KLRG1: variants seen among roughly 807,000 people sequenced by gnomAD.
KLRG1 encodes the protein killer cell lectin like receptor G1, also known as killer cell lectin-like receptor subfamily G member 1.
KLRG1 carries 16 observed loss-of-function variants against 21.8 expected under a neutral mutation model. The observed-to-expected ratio is 0.73, with a 90% confidence interval of 0.50 to 1.11. The LOEUF (loss-of-function observed/expected upper bound fraction) is 1.11, where lower values mean the gene tolerates loss of function less well. Ranked by LOEUF, KLRG1 falls within the 50% of genes most tolerant of loss-of-function variation. The pLI is 0.00. For synonymous variants in KLRG1, 69 were observed against 75.9 expected (o/e 0.91, Z 0.47); for missense variants, 173 against 218.3 (o/e 0.79, Z 1.31).
chr12:9,153,145 C>G, the KLRG1 span: 1 of 1,614,120 alleles, frequency 6.2e-7, no homozygotes, highest in Non-Finnish European at 8.5e-7. Flanking sequence ...ACACATCTTT[C>G]CCCAGTTACT....
At chr12:9,078,189 G>A in the KLRG1 span, among the ~76,000 whole-genome samples, 24 of 152,078 alleles carry the variant, frequency 1.6e-4, no homozygotes, top group South Asian at 1.9e-3. Flanking sequence ...GTTCCCTCCC[G>A]TCACCCCACA....
At chr12:9,041,486 T>C in the KLRG1 span, among the ~76,000 whole-genome samples, 1 of 152,212 alleles carries the variant, frequency 6.6e-6, no homozygotes, top group Non-Finnish European at 1.5e-5. Flanking sequence ...TTTGAGTCTA[T>C]TTTTACTATT....
chr12:9,114,391 G>T, the KLRG1 span, among the ~76,000 whole-genome samples: 1 of 152,046 alleles, frequency 6.6e-6, no homozygotes, highest in African/African-American at 2.4e-5. Context: ...ATGATTTTAA[G>T]TAATAGCAAA....
chr12:9,074,117 G>A, the KLRG1 span, among the ~76,000 whole-genome samples: 22 of 150,872 alleles, frequency 1.5e-4, no homozygotes, highest in African/African-American at 5.4e-4. Context: ...AGGTGAATAG[G>A]GGAAGCACAA....
chr12:9,188,756 A>G, the KLRG1 span, among the ~76,000 whole-genome samples: 1 of 152,218 alleles, frequency 6.6e-6, no homozygotes, highest in Non-Finnish European at 1.5e-5. Context: ...CAAATCAGGA[A>G]TGCAAGCAAT....
the KLRG1 span, among the ~76,000 whole-genome samples, chr12:9,035,445 CA>C: frequency 1.3e-5 from 2 of 151,442 alleles, no homozygotes; most frequent in Admixed American, 1.3e-4. Flanking sequence ...CAGGGCCTGT[CA>C]GGGGGTAGGG....
the KLRG1 span, chr12:9,154,876 C>T: frequency 1.2e-5 from 18 of 1,553,366 alleles, no homozygotes; most frequent in Middle Eastern, 4.0e-4. Context: ...TGTAACTCAT[C>T]AATAAGTAAT....
chr12:9,032,722 A>G, the KLRG1 span, among the ~76,000 whole-genome samples: 1 of 152,182 alleles, frequency 6.6e-6, no homozygotes, highest in African/African-American at 2.4e-5. Flanking sequence ...ATAGAACCCA[A>G]GATTGGCCTT....
At chr12:9,072,864 A>G in the KLRG1 span, 2 of 1,613,714 alleles carry the variant, frequency 1.2e-6, no homozygotes, top group Non-Finnish European at 1.7e-6. Flanking sequence ...GAGAGCCACC[A>G]CTGTGTCCTG....
the KLRG1 span, chr12:9,160,538 T>C: frequency 6.4e-7 from 1 of 1,554,812 alleles, no homozygotes; most frequent in Non-Finnish European, 8.8e-7. Flanking sequence ...AGTTCATAAA[T>C]AGCCAACATT....
the KLRG1 span, among the ~76,000 whole-genome samples, chr12:9,030,810 C>T: frequency 1.3e-5 from 2 of 152,234 alleles, no homozygotes; most frequent in African/African-American, 4.8e-5. Flanking sequence ...CTTCTACTCT[C>T]CTTGCAACTT....
At chr12:9,180,480 C>T in the KLRG1 span, among the ~76,000 whole-genome samples, 1 of 152,146 alleles carries the variant, frequency 6.6e-6, no homozygotes, top group African/African-American at 2.4e-5. Context: ...GAACAGAGCC[C>T]TCAGAAATAA....
At chr12:9,166,270 G>A in the KLRG1 span, 41 of 1,509,686 alleles carry the variant, frequency 2.7e-5, no homozygotes, top group Non-Finnish European at 3.1e-5. Flanking sequence ...CATGTGAGAC[G>A]TTAGAGAACA....
intron 1 of KLRG1, among the ~76,000 whole-genome samples, chr12:8,974,434 T>C (rs1171542490): frequency 6.6e-6 from 1 of 152,198 alleles, no homozygotes; most frequent in African/African-American, 2.4e-5. Flanking sequence ...CCCAAAGTGC[T>C]GGGATTACAG....
At chr12:9,136,853 C>G in the KLRG1 span, among the ~76,000 whole-genome samples, 1 of 152,060 alleles carries the variant, frequency 6.6e-6, no homozygotes, top group Admixed American at 6.5e-5. Context: ...AGATCCTTGC[C>G]CATTTTAAAG....
At chr12:9,181,658 G>A in the KLRG1 span, among the ~76,000 whole-genome samples, 2,729 of 152,190 alleles carry the variant, frequency 0.018, 33 homozygotes, top group Non-Finnish European at 0.026. Flanking sequence ...CACATGATAA[G>A]GTAATTCTAG....
the KLRG1 span, among the ~76,000 whole-genome samples, chr12:9,024,194 A>G: frequency 1.3e-5 from 2 of 151,310 alleles, no homozygotes; most frequent in Non-Finnish European, 2.9e-5. Flanking sequence ...TGCCTGGCTA[A>G]TTTTTGTATT....
At chr12:9,147,395 G>T in the KLRG1 span, among the ~76,000 whole-genome samples, 1 of 152,152 alleles carries the variant, frequency 6.6e-6, no homozygotes, top group Non-Finnish European at 1.5e-5. Flanking sequence ...TGGGAGCTAG[G>T]GGGCCTCTTT....
chr12:9,135,698 G>T, the KLRG1 span: 1 of 197,208 alleles, frequency 5.1e-6, no homozygotes, highest in Non-Finnish European at 1.0e-5. Context: ...CAGCTGTGAA[G>T]ATCCGGCACA....
Sources: gnomAD v4.1 joint callset for allele counts (sites outside exome capture counted in the v4.1 genomes callset) on GRCh38, gnomAD v4.1.1 for gene constraint, MANE v1.5 for transcripts, NCBI Gene and HGNC (gene_info 2026-07-23, HGNC 2026-07-21) for gene names.